Variants in AP1S3 observed in about 807,000 individuals in gnomAD.
The protein encoded by AP1S3 is adaptor related protein complex 1 subunit sigma 3.
A neutral mutation model predicts 20.9 loss-of-function variants in AP1S3; 10 were observed. The ratio of observed to expected loss-of-function variants is 0.48; its 90% CI spans 0.29 to 0.81. The LOEUF (loss-of-function observed/expected upper bound fraction) is 0.81. AP1S3 is among the 30% of genes least tolerant of loss of function. The pLI, the probability that AP1S3 is intolerant of heterozygous loss-of-function variation, is 0.08. For synonymous variants in AP1S3, 41 were observed against 61.5 expected (o/e 0.67, Z 1.56); for missense variants, 154 against 183.8 (o/e 0.84, Z 0.94).
intron 4 of AP1S3, among the ~76,000 whole-genome samples, chr2:223,762,995 T>C (rs1257994450): frequency 2.6e-5 from 4 of 151,896 alleles, no homozygotes; most frequent in Admixed American, 6.6e-5. Context: ...TCCTATCCAG[T>C]TGAAACCTCT....
At chr2:223,770,296 C>A (rs1472098221) in intron 3 of AP1S3, 1 of 1,550,318 alleles carries the variant, frequency 6.5e-7, no homozygotes, top group Non-Finnish European at 8.7e-7. Context: ...CAGACAGGAG[C>A]CTCATTAGGA....
rs999378670 is a variant in AP1S3 at position 223,758,116 on chromosome 2, C to T, written c.*599G>A. Reference sequence around the variant, plus strand: ...AAAAACACTTATTAAGTTCTATACTCTTTGGTTATTTTCATAATCCCAATT... The same window carrying T: ...AAAAACACTTATTAAGTTCTATACTTTTTGGTTATTTTCATAATCCCAATT... On this transcript the variant is annotated 3_prime_UTR_variant, in exon 5 of 5. Coordinates refer to ENST00000396654, the MANE Select transcript of AP1S3 (RefSeq NM_001039569.2). 2.0e-6 allele frequency: 2 copies of T among 981,612 alleles called. No homozygotes were observed. The highest frequency in any genetic ancestry group is 6.3e-5 in the Admixed American group (1 of 15,778). 60.8% of individuals were successfully genotyped at this position (981,612 alleles called of 1,614,324 possible).
intron 1 of AP1S3, among the ~76,000 whole-genome samples, chr2:223,795,103 G>A (rs1461442087): frequency 6.6e-6 from 1 of 152,114 alleles, no homozygotes; most frequent in Non-Finnish European, 1.5e-5. Context: ...TACAAAATTA[G>A]CCGGGCGTGG....
intron 4 of AP1S3, among the ~76,000 whole-genome samples, chr2:223,760,666 A>C (rs1405650359): frequency 6.6e-6 from 1 of 151,002 alleles, no homozygotes; most frequent in African/African-American, 2.4e-5. Flanking sequence ...CACCATTTAC[A>C]TGGGAATACA....
At chr2:223,835,005 T>C (rs561684358) in intron 1 of AP1S3, among the ~76,000 whole-genome samples, 5 of 99,254 alleles carry the variant, frequency 5.0e-5, no homozygotes, top group African/African-American at 1.5e-4. Context: ...AACTTCACTG[T>C]AGTCTTGTGA....
At chr2:223,760,550 C>T (rs1690329970) in intron 4 of AP1S3, among the ~76,000 whole-genome samples, 1 of 152,192 alleles carries the variant, frequency 6.6e-6, no homozygotes, top group Non-Finnish European at 1.5e-5. Flanking sequence ...AAGACAGCCC[C>T]ATACCCATCT....
At chr2:223,825,213 TGA>T (rs1463482306) in intron 1 of AP1S3, among the ~76,000 whole-genome samples, 1 of 151,240 alleles carries the variant, frequency 6.6e-6, no homozygotes, top group African/African-American at 2.4e-5. Context: ...CTCCTGAGGC[TGA>T]GATAGGAGAA....
chr2:223,810,936 CT>C (rs1014696993), intron 1 of AP1S3, among the ~76,000 whole-genome samples: 69 of 151,830 alleles, frequency 4.5e-4, no homozygotes, highest in African/African-American at 1.6e-3. Context: ...ATTTTGGCTC[CT>C]TTTTTTAATT....
At chr2:223,780,351 A>AGTGTGT (rs1416516684) in intron 1 of AP1S3, among the ~76,000 whole-genome samples, 131 of 62,174 alleles carry the variant, frequency 2.1e-3, no homozygotes, top group South Asian at 3.2e-3. Context: ...AGAGAGAGAG[A>AGTGTGT]GAGAGAGTGT....
intron 3 of AP1S3, among the ~76,000 whole-genome samples, chr2:223,774,288 TC>T (rs1307222334): frequency 1.3e-5 from 2 of 151,868 alleles, no homozygotes; most frequent in East Asian, 3.9e-4. Flanking sequence ...TCGCTTGAAC[TC>T]GGGAGGCAGA....
At chr2:223,805,362 GA>G (rs1177813843) in intron 1 of AP1S3, among the ~76,000 whole-genome samples, 1 of 152,154 alleles carries the variant, frequency 6.6e-6, no homozygotes, top group African/African-American at 2.4e-5. Flanking sequence ...AGAATCGCTT[GA>G]AACAGGGAGG....
intron 1 of AP1S3, among the ~76,000 whole-genome samples, chr2:223,822,801 C>T (rs1237546953): frequency 6.6e-6 from 1 of 151,948 alleles, no homozygotes; most frequent in African/African-American, 2.4e-5. Flanking sequence ...GAAGACACAA[C>T]CTATGAAATG....
At chr2:223,774,057 G>C (rs1279135436) in intron 3 of AP1S3, among the ~76,000 whole-genome samples, 1 of 152,130 alleles carries the variant, frequency 6.6e-6, no homozygotes, top group African/African-American at 2.4e-5. Context: ...CTGGAGAACT[G>C]TCAGGTATAT....
chr2:223,828,666 G>A (rs548076974), intron 1 of AP1S3, among the ~76,000 whole-genome samples: 1 of 152,198 alleles, frequency 6.6e-6, no homozygotes, highest in Admixed American at 6.5e-5. Context: ...GCAAGCAGGT[G>A]GCTTCTGGCT....
At chr2:223,819,177 C>G (rs980955578) in intron 1 of AP1S3, among the ~76,000 whole-genome samples, 1 of 152,152 alleles carries the variant, frequency 6.6e-6, no homozygotes, top group Non-Finnish European at 1.5e-5. Context: ...GTGCCAAAAC[C>G]ACGCCCAGCC....
intron 3 of AP1S3, among the ~76,000 whole-genome samples, chr2:223,766,951 AG>A (rs538830093): frequency 6.6e-6 from 1 of 152,260 alleles, no homozygotes; most frequent in East Asian, 1.9e-4. Flanking sequence ...AACTACTACA[AG>A]AATAGAAAAC....
rs1690280437 is a variant in AP1S3 at position 223,758,655 on chromosome 2, G to C, written c.*60C>G. On this transcript the variant is annotated 3_prime_UTR_variant, in exon 5 of 5. Transcript: ENST00000396654. Reference sequence around the variant, plus strand: ...GGCTCCATCAAAAAACCGGATGGGAGGCGTTGCTTATTTACAGCTTCATAA... The same window carrying C: ...GGCTCCATCAAAAAACCGGATGGGACGCGTTGCTTATTTACAGCTTCATAA... The C allele has an allele frequency of 6.7e-7, 1 of 1,500,470 alleles. No homozygotes were observed. The highest frequency in any genetic ancestry group is 8.9e-7 in the Non-Finnish European group (1 of 1,124,144). The allele number at this position is 1,500,470 out of a possible 1,614,324, so 92.9% of individuals were successfully genotyped here.
At chr2:223,807,468 T>C (rs1200959914) in intron 1 of AP1S3, among the ~76,000 whole-genome samples, 1 of 152,150 alleles carries the variant, frequency 6.6e-6, no homozygotes, top group Non-Finnish European at 1.5e-5. Context: ...TTGCAAGCAT[T>C]CTTTTAATCA....
intron 1 of AP1S3, among the ~76,000 whole-genome samples, chr2:223,837,219 AGCCGCGGCGCCGCGGC>A (rs903571860): frequency 2.0e-5 from 3 of 150,822 alleles, no homozygotes; most frequent in Admixed American, 6.6e-5. Context: ...GAATGAATGG[AGCCGCGGCGCCGCGGC>A]GCCGCGTTGC....
Sources: gnomAD v4.1 joint callset for allele counts (sites outside exome capture counted in the v4.1 genomes callset) on GRCh38, gnomAD v4.1.1 for gene constraint, MANE v1.5 for transcripts, NCBI Gene and HGNC (gene_info 2026-07-23, HGNC 2026-07-21) for gene names.